Variants in POFUT3 observed in about 807,000 individuals in gnomAD.
POFUT3 encodes the protein protein O-fucosyltransferase 3.
chr8:33,393,325 A>G, the POFUT3 span, among the ~76,000 whole-genome samples: 1 of 152,348 alleles, frequency 6.6e-6, no homozygotes, highest in East Asian at 1.9e-4. Context: ...CCTCTGGGTT[A>G]TTTTGTGTTT....
the POFUT3 span, among the ~76,000 whole-genome samples, chr8:33,367,419 A>T: frequency 6.6e-6 from 1 of 152,246 alleles, no homozygotes; most frequent in African/African-American, 2.4e-5. Context: ...ACTTTTAGTT[A>T]ATTTAATATC....
the POFUT3 span, chr8:33,452,350 G>GAAT: frequency 6.6e-6 from 1 of 152,034 alleles, no homozygotes; most frequent in African/African-American, 2.4e-5. Flanking sequence ...GTATTCCACT[G>GAAT]AATTTCTATA....
the POFUT3 span, among the ~76,000 whole-genome samples, chr8:33,411,899 G>A: frequency 6.6e-6 from 1 of 152,158 alleles, no homozygotes; most frequent in Non-Finnish European, 1.5e-5. Flanking sequence ...AATTTCACTG[G>A]GCAGCGCCAG....
the POFUT3 span, among the ~76,000 whole-genome samples, chr8:33,356,492 G>A: frequency 6.6e-6 from 1 of 151,718 alleles, no homozygotes; most frequent in Admixed American, 6.6e-5. Flanking sequence ...GTCTGTTCAT[G>A]TCCTTTGCCC....
the POFUT3 span, among the ~76,000 whole-genome samples, chr8:33,337,683 C>A: frequency 1.3e-5 from 2 of 152,118 alleles, no homozygotes; most frequent in Non-Finnish European, 2.9e-5. Flanking sequence ...TGTATGCCAA[C>A]AAATTGGTAA....
At chr8:33,371,510 G>C in the POFUT3 span, 1 of 152,162 alleles carries the variant, frequency 6.6e-6, no homozygotes, top group Admixed American at 6.5e-5. Flanking sequence ...TTTCCATGAT[G>C]AAGAATGGAA....
At chr8:33,368,213 T>A in the POFUT3 span, among the ~76,000 whole-genome samples, 27 of 152,208 alleles carry the variant, frequency 1.8e-4, 1 homozygote, top group East Asian at 2.9e-3. Flanking sequence ...TCATGACTGG[T>A]CATATCCTCT....
At chr8:33,409,717 A>T in the POFUT3 span, among the ~76,000 whole-genome samples, 1 of 152,106 alleles carries the variant, frequency 6.6e-6, no homozygotes, top group Non-Finnish European at 1.5e-5. Context: ...CATCCTGGCT[A>T]ACACGGTGAA....
chr8:33,315,761 CT>C, the POFUT3 span, among the ~76,000 whole-genome samples: 8 of 152,216 alleles, frequency 5.3e-5, no homozygotes, highest in South Asian at 8.3e-4. Context: ...AATAAGACCT[CT>C]TTTTTTCATT....
At chr8:33,431,603 T>C in the POFUT3 span, among the ~76,000 whole-genome samples, 1 of 127,162 alleles carries the variant, frequency 7.9e-6, no homozygotes, top group Non-Finnish European at 1.7e-5. Flanking sequence ...CCTAATTGCA[T>C]AATTCCTTTG....
At chr8:33,456,397 G>A in the POFUT3 span, among the ~76,000 whole-genome samples, 6 of 150,326 alleles carry the variant, frequency 4.0e-5, no homozygotes, top group Admixed American at 6.6e-5. Flanking sequence ...TCTCTCTGTC[G>A]CCCAGGCTAG....
chr8:33,425,292 C>G, the POFUT3 span, among the ~76,000 whole-genome samples: 3 of 151,862 alleles, frequency 2.0e-5, no homozygotes, highest in Admixed American at 2.0e-4. Flanking sequence ...TACAATCATA[C>G]CACTGCACTC....
chr8:33,363,892 A>G, the POFUT3 span, among the ~76,000 whole-genome samples: 2 of 152,344 alleles, frequency 1.3e-5, no homozygotes, highest in South Asian at 2.1e-4. Context: ...TCAATAGAAA[A>G]AGAGGGAATC....
chr8:33,444,223 C>T, the POFUT3 span, among the ~76,000 whole-genome samples: 54 of 151,946 alleles, frequency 3.6e-4, no homozygotes, highest in Middle Eastern at 3.4e-3. Flanking sequence ...AGGATGAGAT[C>T]GCCTTGAGAA....
chr8:33,430,389 G>A, the POFUT3 span, among the ~76,000 whole-genome samples: 130 of 152,256 alleles, frequency 8.5e-4, no homozygotes, highest in Non-Finnish European at 1.4e-3. Flanking sequence ...GAGTGTGATC[G>A]TTTGCCTTTG....
the POFUT3 span, among the ~76,000 whole-genome samples, chr8:33,457,187 C>T: frequency 1.3e-5 from 2 of 152,302 alleles, no homozygotes; most frequent in Middle Eastern, 3.4e-3. Flanking sequence ...GTGGCTCACA[C>T]CTGTACTCCC....
At chr8:33,372,255 T>A in the POFUT3 span, 2 of 1,058,650 alleles carry the variant, frequency 1.9e-6, no homozygotes, top group Non-Finnish European at 2.3e-6. Context: ...AGCTAGATCG[T>A]CTCCCTCCAT....
chr8:33,463,841 C>T, the POFUT3 span, among the ~76,000 whole-genome samples: 25 of 152,248 alleles, frequency 1.6e-4, no homozygotes, highest in Middle Eastern at 3.4e-3. Flanking sequence ...TGTGAGCCAC[C>T]GTGCACGGCC....
At chr8:33,423,847 A>G in the POFUT3 span, among the ~76,000 whole-genome samples, 3 of 135,244 alleles carry the variant, frequency 2.2e-5, no homozygotes, top group African/African-American at 8.1e-5. Flanking sequence ...AAAAAAAAAG[A>G]GCCATTACTG....
Sources: allele counts gnomAD v4.1 joint callset (sites outside exome capture counted in the v4.1 genomes callset), GRCh38; gene constraint gnomAD v4.1.1; transcripts MANE v1.5; gene names NCBI Gene and HGNC (gene_info 2026-07-23, HGNC 2026-07-21).